The following EFCAB6 variants were observed in gnomAD, a reference collection of about 807,000 sequenced individuals.
The protein encoded by EFCAB6 is EF-hand calcium-binding domain-containing protein 6.
Under a neutral mutation model 169.8 loss-of-function variants are expected in EFCAB6, and 156 were observed. The observed-to-expected ratio is 0.92, with a 90% confidence interval of 0.81 to 1.05. EFCAB6 has a LOEUF of 1.05. EFCAB6 is among the 50% of genes least tolerant of loss of function. EFCAB6 has a pLI of 0.00. For missense variants in EFCAB6, 1,800 were observed against 1,829.1 expected (o/e 0.98, Z 0.29); for synonymous variants, 698 against 676.4 (o/e 1.03, Z -0.50).
At chr22:43,778,255 G>A (rs1453312497) in intron 3 of EFCAB6, among the ~76,000 whole-genome samples, 1 of 152,228 alleles carries the variant, frequency 6.6e-6, no homozygotes, top group African/African-American at 2.4e-5. Flanking sequence ...TGGTCACAGA[G>A]CAGGTCTGCG....
chr22:43,548,539 C>CAAAAAAAAAAA (rs397868076), intron 27 of EFCAB6, among the ~76,000 whole-genome samples: 5 of 36,730 alleles, frequency 1.4e-4, no homozygotes, highest in Non-Finnish European at 1.4e-4. Context: ...GAATCCATCT[C>CAAAAAAAAAAA]AAAAAAAAAA....
intron 1 of EFCAB6, among the ~76,000 whole-genome samples, chr22:43,811,025 A>G (rs2148245549): frequency 6.6e-6 from 1 of 152,214 alleles, no homozygotes; most frequent in Non-Finnish European, 1.5e-5. Context: ...ATTTAGGAAC[A>G]CATATTAAAT....
intron 10 of EFCAB6, among the ~76,000 whole-genome samples, chr22:43,708,145 G>A (rs979987721): frequency 1.3e-5 from 2 of 150,182 alleles, no homozygotes; most frequent in South Asian, 2.1e-4. Flanking sequence ...AGTGGCTCAC[G>A]CCTGTAATCC....
intron 27 of EFCAB6, among the ~76,000 whole-genome samples, chr22:43,547,813 T>C (rs879508450): frequency 6.8e-5 from 10 of 146,864 alleles, no homozygotes; most frequent in Admixed American, 6.1e-4. Flanking sequence ...TATAAAAGGC[T>C]GGGCGTGGTG....
intron 4 of EFCAB6, among the ~76,000 whole-genome samples, chr22:43,770,349 A>T (rs1000428301): frequency 6.6e-6 from 1 of 152,204 alleles, no homozygotes; most frequent in African/African-American, 2.4e-5. Context: ...TTATCCAAAC[A>T]TACTCAAATA....
Position 43,744,101 on chromosome 22 carries a change from T to C in EFCAB6, c.508-8108A>G, listed in dbSNP as rs1000082861. The stretch of plus-strand genomic sequence containing the variant: ...AATGGATGAATGATGAATGAATGAA[T>C]GAATGAATGAATGGATGGGTTATGG... On this transcript the variant is annotated intron_variant, in intron 6 of 31. Coordinates refer to ENST00000262726, the MANE Select transcript of EFCAB6 (RefSeq NM_022785.4). This position sits in a 1 kb window ranked among gnomAD's most constrained non-coding sequence, Gnocchi z 4.3. Among the ~76,000 whole-genome samples the C allele has an allele frequency of 6.6e-6, 1 of 151,628 alleles. No individual in the cohort carries two copies. Among genetic ancestry groups the C allele is most frequent in the Non-Finnish European group, 1.5e-5 (1 of 67,944 alleles).
intron 2 of EFCAB6, among the ~76,000 whole-genome samples, chr22:43,793,873 T>C (rs2062401266): frequency 6.6e-6 from 1 of 152,248 alleles, no homozygotes; most frequent in Non-Finnish European, 1.5e-5. Flanking sequence ...ATAACATGAT[T>C]TGTTATTGTT....
intron 8 of EFCAB6, among the ~76,000 whole-genome samples, chr22:43,721,522 GCATGA>G (rs1258251902): frequency 6.6e-6 from 1 of 152,134 alleles, no homozygotes; most frequent in Non-Finnish European, 1.5e-5. Context: ...AAGCAAAACA[GCATGA>G]CACTAGTACA....
At chr22:43,606,570 T>C (rs1383379985) in intron 22 of EFCAB6, among the ~76,000 whole-genome samples, 1 of 151,934 alleles carries the variant, frequency 6.6e-6, no homozygotes, top group Non-Finnish European at 1.5e-5. Flanking sequence ...TGATGAGGAG[T>C]ATATGGCACA....
At chr22:43,743,989 AAATGGATGAATG>A (rs143138956) in intron 6 of EFCAB6, among the ~76,000 whole-genome samples, 41,415 of 151,382 alleles carry the variant, frequency 0.27, 6,770 homozygotes, top group East Asian at 0.63. Context: ...ATAGATAGGT[AAATGGATGAATG>A]AATGGATGAA....
chr22:43,529,526 G>A (rs1195209331), intron 31 of EFCAB6, among the ~76,000 whole-genome samples: 1 of 152,232 alleles, frequency 6.6e-6, no homozygotes, highest in Non-Finnish European at 1.5e-5. Context: ...ACATGTCTCA[G>A]CCTCTCTTGC....
At chr22:43,741,684 T>C (rs1425665715) in intron 6 of EFCAB6, among the ~76,000 whole-genome samples, 1 of 152,180 alleles carries the variant, frequency 6.6e-6, no homozygotes, top group African/African-American at 2.4e-5. Context: ...CCCATAAGTA[T>C]ACATGCAGAG....
intron 20 of EFCAB6, among the ~76,000 whole-genome samples, chr22:43,623,643 C>G (rs1051898539): frequency 1.3e-5 from 2 of 150,758 alleles, no homozygotes; most frequent in African/African-American, 2.4e-5. Flanking sequence ...CGCCTGTAAT[C>G]CCAGCACTTT....
intron 13 of EFCAB6, among the ~76,000 whole-genome samples, chr22:43,674,909 G>C (rs2057656622): frequency 6.6e-6 from 1 of 151,910 alleles, no homozygotes; most frequent in Admixed American, 6.6e-5. Context: ...TTGATTCCGT[G>C]GCCACTAGGC....
At chr22:43,784,622 CACATATATATGTATATGT>C (rs1569487789) in intron 2 of EFCAB6, among the ~76,000 whole-genome samples, 11 of 68,304 alleles carry the variant, frequency 1.6e-4, no homozygotes, top group Admixed American at 4.3e-4. Context: ...TGTATATATA[CACATATATATGTATATGT>C]ACACATATAT....
chr22:43,709,942 T>C (rs1034273005), intron 10 of EFCAB6, among the ~76,000 whole-genome samples: 73 of 152,306 alleles, frequency 4.8e-4, no homozygotes, highest in Middle Eastern at 3.4e-3. Context: ...AGTGGGGTGC[T>C]GTGGGGAATG....
At chr22:43,638,071 C>T (rs148140667) in intron 17 of EFCAB6, among the ~76,000 whole-genome samples, 5 of 152,206 alleles carry the variant, frequency 3.3e-5, no homozygotes, top group African/African-American at 7.2e-5. Context: ...CCCAGGGGCA[C>T]GGAGCACCGG....
chr22:43,615,811 T>C lies in EFCAB6; in HGVS notation c.2562+15A>G, dbSNP rs748371096. On this transcript the variant is annotated intron_variant, in intron 21 of 31. Transcript: ENST00000262726. Reference sequence around the variant, plus strand: ...TAGATTTTCTTTCCTTTTAAGGAAATAATCATTTTCTTACCTTAGACAAGT... The same window carrying C: ...TAGATTTTCTTTCCTTTTAAGGAAACAATCATTTTCTTACCTTAGACAAGT... 2 of 1,601,606 alleles carry C rather than the reference T, an allele frequency of 1.2e-6. No homozygotes were observed. Among genetic ancestry groups the C allele is most frequent in the East Asian group, 4.5e-5 (2 of 44,788 alleles).
At chr22:43,605,565 C>G (rs1030754872) in intron 22 of EFCAB6, among the ~76,000 whole-genome samples, 1 of 124,206 alleles carries the variant, frequency 8.1e-6, no homozygotes, top group Non-Finnish European at 1.7e-5. Flanking sequence ...ATCGCTTGAA[C>G]CTGGGAGGCG....
Sources: allele counts gnomAD v4.1 joint callset (sites outside exome capture counted in the v4.1 genomes callset), GRCh38; gene constraint gnomAD v4.1.1; non-coding constraint Gnocchi (gnomAD v3.1); transcripts MANE v1.5; gene names NCBI Gene and HGNC (gene_info 2026-07-23, HGNC 2026-07-21).